FRMD4A: variants seen among roughly 807,000 people sequenced by gnomAD.
FRMD4A encodes FERM domain-containing protein 4A.
A neutral mutation model predicts 129.1 loss-of-function variants in FRMD4A; 29 were observed. The observed-to-expected ratio is 0.22, with a 90% CI of 0.17 to 0.31. The LOEUF (loss-of-function observed/expected upper bound fraction) is 0.31. FRMD4A is among the 10% of genes least tolerant of loss of function. FRMD4A has a pLI of 1.00. For synonymous variants in FRMD4A, 634 were observed against 571.6 expected (o/e 1.11, Z -1.56); for missense variants, 1,272 against 1,375.8 (o/e 0.92, Z 1.19).
chr10:13,890,702 T>C (rs71479846), intron 2 of FRMD4A: 27,255 of 985,052 alleles, frequency 0.028, 387 homozygotes, highest in Middle Eastern at 0.035. Context: ...GCTCCATTCA[T>C]AGGGGAGCCA....
chr10:13,816,685 T>C (rs2093549546), intron 3 of FRMD4A, among the ~76,000 whole-genome samples: 2 of 152,362 alleles, frequency 1.3e-5, no homozygotes, highest in Middle Eastern at 3.4e-3. Flanking sequence ...AGCAATCTGC[T>C]CTTATGTGCT....
chr10:14,015,038 CCCTT>C (rs201773168), intron 2 of FRMD4A, among the ~76,000 whole-genome samples: 1,921 of 126,044 alleles, frequency 0.015, 32 homozygotes, highest in East Asian at 0.096. Context: ...CTTCCTCCCT[CCCTT>C]CCTTTCTTCC....
At chr10:14,070,493 G>T (rs369815533) in intron 2 of FRMD4A, among the ~76,000 whole-genome samples, 1 of 152,132 alleles carries the variant, frequency 6.6e-6, no homozygotes, top group East Asian at 1.9e-4. Flanking sequence ...GAGGTAAAAT[G>T]ACCAAGGAAG....
At chr10:14,043,302 C>T (rs1397306129) in intron 2 of FRMD4A, among the ~76,000 whole-genome samples, 1 of 152,062 alleles carries the variant, frequency 6.6e-6, no homozygotes. Context: ...TGAAGGAATT[C>T]TAAAATTTGA....
chr10:13,862,464 TC>T (rs775390168), intron 2 of FRMD4A, among the ~76,000 whole-genome samples: 25 of 152,328 alleles, frequency 1.6e-4, no homozygotes, highest in Non-Finnish European at 2.6e-4. Flanking sequence ...CATAAAACAA[TC>T]TCACCTTATC....
At chr10:14,040,719 G>A (rs1233194892) in intron 2 of FRMD4A, among the ~76,000 whole-genome samples, 1 of 148,408 alleles carries the variant, frequency 6.7e-6, no homozygotes, top group Non-Finnish European at 1.5e-5. Flanking sequence ...GTACTCCTCA[G>A]AAACCATAGA....
At chr10:14,147,686 G>A (rs116843944) in intron 2 of FRMD4A, among the ~76,000 whole-genome samples, 10 of 152,154 alleles carry the variant, frequency 6.6e-5, no homozygotes, top group African/African-American at 9.6e-5. Context: ...ATCGAATGCC[G>A]CTGCTGATCT....
chr10:14,301,887 T>C (rs1268472526), intron 2 of FRMD4A, among the ~76,000 whole-genome samples: 1 of 152,064 alleles, frequency 6.6e-6, no homozygotes, highest in Non-Finnish European at 1.5e-5. Context: ...TAACCCTGGA[T>C]GGTTGGGTGC....
At chr10:13,695,098 ACT>A (rs1168760665) in intron 14 of FRMD4A, among the ~76,000 whole-genome samples, 1 of 151,376 alleles carries the variant, frequency 6.6e-6, no homozygotes, top group African/African-American at 2.4e-5. Context: ...ATTAGAAAAA[ACT>A]CTATGTTCAC....
chr10:14,055,331 CT>C (rs761304706), intron 2 of FRMD4A, among the ~76,000 whole-genome samples: 1 of 152,096 alleles, frequency 6.6e-6, no homozygotes, highest in Non-Finnish European at 1.5e-5. Flanking sequence ...ATCCTCACGT[CT>C]TTATGATGTT....
chr10:14,269,821 G>A (rs893950074), intron 2 of FRMD4A, among the ~76,000 whole-genome samples: 6 of 152,176 alleles, frequency 3.9e-5, no homozygotes, highest in African/African-American at 1.4e-4. Context: ...TTGAATCACT[G>A]CATTAATTAT....
At chr10:13,766,619 TC>T (rs755649416) in intron 6 of FRMD4A, among the ~76,000 whole-genome samples, 32 of 152,278 alleles carry the variant, frequency 2.1e-4, no homozygotes, top group Non-Finnish European at 4.7e-4. Flanking sequence ...TGGGAAGACA[TC>T]CTGAGAGTCT....
At chr10:14,173,893 T>C (rs770567089) in intron 2 of FRMD4A, among the ~76,000 whole-genome samples, 3 of 152,068 alleles carry the variant, frequency 2.0e-5, no homozygotes, top group Non-Finnish European at 4.4e-5. Context: ...AGAGATCCAG[T>C]TGCAATCGCC....
chr10:14,055,438 TACACACACACACACACACACACAAAC>T (rs1217736131), intron 2 of FRMD4A, among the ~76,000 whole-genome samples: 32 of 137,048 alleles, frequency 2.3e-4, no homozygotes, highest in Non-Finnish European at 3.7e-4. Context: ...CTGATCTAGC[TACACACACACACACACACACACAAAC>T]ACACACACAC....
intron 2 of FRMD4A, among the ~76,000 whole-genome samples, chr10:14,080,121 GC>G (rs1835840301): frequency 6.6e-6 from 1 of 152,132 alleles, no homozygotes; most frequent in African/African-American, 2.4e-5. Context: ...AAGGAGAGGT[GC>G]CTGCAGCAAT....
intron 2 of FRMD4A, among the ~76,000 whole-genome samples, chr10:14,011,065 T>A (rs143899888): frequency 2.0e-5 from 3 of 152,278 alleles, no homozygotes; most frequent in African/African-American, 7.2e-5. Context: ...GCAGCACAGC[T>A]AGAAATGTCA....
At chr10:13,886,120 G>A (rs531676359) in intron 2 of FRMD4A, among the ~76,000 whole-genome samples, 11 of 152,260 alleles carry the variant, frequency 7.2e-5, no homozygotes, top group Non-Finnish European at 1.3e-4. Context: ...TGGCGAGAGC[G>A]TAATGGTACA....
chr10:13,685,862 G>A (rs542591186), intron 15 of FRMD4A, among the ~76,000 whole-genome samples: 1 of 152,342 alleles, frequency 6.6e-6, no homozygotes, highest in East Asian at 1.9e-4. Context: ...TTTGGTCCTG[G>A]TTCCCTTTAG....
chr10:13,747,408 G>A (rs191515858), intron 9 of FRMD4A, among the ~76,000 whole-genome samples: 14 of 151,486 alleles, frequency 9.2e-5, no homozygotes, highest in African/African-American at 2.4e-4. Flanking sequence ...GTGGTGGTGC[G>A]TGCCTGTAAT....
Sources: allele counts gnomAD v4.1 joint callset (sites outside exome capture counted in the v4.1 genomes callset), GRCh38; gene constraint gnomAD v4.1.1; transcripts MANE v1.5; gene names NCBI Gene and HGNC (gene_info 2026-07-23, HGNC 2026-07-21).